RRAGB: variants seen among roughly 807,000 people sequenced by gnomAD.
RRAGB encodes the protein Ras related GTP binding B.
Under a neutral mutation model 29.3 loss-of-function variants are expected in RRAGB, and 6 were observed. The ratio of observed to expected loss-of-function variants is 0.21; its 90% CI spans 0.11 to 0.40. The LOEUF is 0.40. RRAGB is among the 10% of genes least tolerant of loss of function. The probability of loss-of-function intolerance (pLI) is 1.00; values close to 1 mark genes in which losing one functional copy is unlikely to be tolerated. For missense variants in RRAGB, 184 were observed against 272.9 expected, an observed-to-expected ratio of 0.67 and a Z score of 2.29; for synonymous variants, 101 against 92.5, an observed-to-expected ratio of 1.09 and a Z score of -0.53.
chrX:55,744,249 C>T (rs2034171755), intron 5 of RRAGB, among the ~76,000 whole-genome samples: 4 of 107,847 alleles, frequency 3.7e-5, no homozygotes, highest in East Asian at 5.9e-4. Context: ...ATTAGTCAGG[C>T]GTGGTGGTGT....
At chrX:55,742,986 G>C (rs765873368) in intron 5 of RRAGB, among the ~76,000 whole-genome samples, 1 of 111,397 alleles carries the variant, frequency 9.0e-6, no homozygotes, top group Non-Finnish European at 1.9e-5. Flanking sequence ...AAGGCAAGAG[G>C]GTTGCCTAGC....
At chrX:55,736,744 GTATGAGCTC>G (rs2147095266) in intron 5 of RRAGB, among the ~76,000 whole-genome samples, 1 of 112,184 alleles carries the variant, frequency 8.9e-6, no homozygotes, top group South Asian at 3.8e-4. Flanking sequence ...CAAAGACTGT[GTATGAGCTC>G]TTTGGTTGTA....
rs1235859439 is a variant in RRAGB, at chrX:55,755,766, T to C, written c.736-75T>C. 4.4e-6 allele frequency: 5 copies of C among 1,137,670 alleles called. No homozygotes were observed. In the South Asian group the frequency reaches 6.2e-5, roughly 14 times the overall value. The allele number at this position is 1,137,670 out of a possible 1,213,427, so 93.8% of individuals were successfully genotyped here. A position where few individuals can be genotyped will look rare whatever the true frequency, so the allele number is the denominator to read the frequency against. On this transcript the variant is annotated intron_variant, in intron 7 of 9. Coordinates refer to ENST00000374941, the MANE Select transcript of RRAGB (RefSeq NM_006064.5). ...AACCAGTGACCAAGGGACTGACAAA[T>C]GTCTGCTTTGAGGAGTAGCAGAGGA...
rs957586971 is a variant in RRAGB at position 55,741,918 on chromosome X, A to G, written c.517-9183A>G. Among the ~76,000 whole-genome samples the G allele has an allele frequency of 3.6e-5, 4 of 112,009 alleles. No homozygotes were observed. The East Asian group carries it at 8.4e-4, about 23-fold the overall frequency. On this transcript the variant is annotated intron_variant, in intron 5 of 9. Transcript: ENST00000374941. ...CATACCCCTTGTCAACTTGGCACTC[A>G]TACACATCTACTGAAACCATACCTA...
At chrX:55,751,742 T>C (rs1234147124) in intron 6 of RRAGB, 2 of 112,175 alleles carry the variant, frequency 1.8e-5, no homozygotes, top group African/African-American at 6.5e-5. Context: ...ATTGCTGGAA[T>C]GGATACCACA....
chrX:55,728,089 G>A (rs911138496), intron 3 of RRAGB, among the ~76,000 whole-genome samples: 1 of 111,279 alleles, frequency 9.0e-6, no homozygotes, highest in Non-Finnish European at 1.9e-5. Context: ...GTAACTCAGA[G>A]GTCGCAAACA....
chrX:55,719,209 G>A (rs1210114084), intron 1 of RRAGB, 105 bp from the exon 2 acceptor site: 1 of 684,980 alleles, frequency 1.5e-6, no homozygotes, highest in African/African-American at 2.2e-5. Context: ...CTCAGCCGTT[G>A]TACTAAACAT....
chrX:55,733,916 C>T (rs2147090284), intron 5 of RRAGB, among the ~76,000 whole-genome samples: 1 of 99,583 alleles, frequency 1.0e-5, no homozygotes, highest in African/African-American at 3.4e-5. Context: ...GGCTATGAAT[C>T]TATCTGGTCC....
intron 5 of RRAGB, among the ~76,000 whole-genome samples, chrX:55,748,995 A>G (rs1303756917): frequency 1.1e-4 from 8 of 76,056 alleles, no homozygotes; most frequent in African/African-American, 2.1e-4. Flanking sequence ...CGGCCGCCCC[A>G]TCCGGGAGGG....
At chrX:55,749,246 C>T (rs1412807537) in intron 5 of RRAGB, among the ~76,000 whole-genome samples, 19 of 87,096 alleles carry the variant, frequency 2.2e-4, no homozygotes, top group African/African-American at 5.2e-4. Flanking sequence ...GGCGCCTCTG[C>T]CCGGCCGCCC....
At position 55,718,023 on chromosome X, in the gene RRAGB, G is replaced by T. The variant is rs1032916354; in HGVS notation, c.-305G>T. 9.9e-6 allele frequency: 2 copies of T among 201,869 alleles called. No individual in the cohort carries two copies. Among genetic ancestry groups the T allele is most frequent in the African/African-American group, 5.8e-5 (2 of 34,676 alleles). 16.6% of individuals were successfully genotyped at this position (201,869 alleles called of 1,213,427 possible). ...TTGGGGGCCTGAGGCCCAAACTCGG[G>T]ACGAACCCCTAACCCACCTCTCTTT... On this transcript the variant is annotated 5_prime_UTR_variant, in exon 1 of 10. Transcript: ENST00000374941.
intron 4 of RRAGB, among the ~76,000 whole-genome samples, chrX:55,730,219 A>G (rs1222404561): frequency 8.9e-6 from 1 of 112,344 alleles, no homozygotes; most frequent in Non-Finnish European, 1.9e-5. Context: ...ATATTTGTTG[A>G]AAGAATAATG....
intron 5 of RRAGB, among the ~76,000 whole-genome samples, chrX:55,739,959 A>C (rs1375502895): frequency 8.9e-6 from 1 of 112,723 alleles, no homozygotes; most frequent in African/African-American, 3.2e-5. Flanking sequence ...AAATGTACTT[A>C]GAAGTTTTAA....
At chrX:55,742,489 A>G (rs1230154621) in intron 5 of RRAGB, among the ~76,000 whole-genome samples, 2 of 112,248 alleles carry the variant, frequency 1.8e-5, no homozygotes, top group Non-Finnish European at 3.8e-5. Flanking sequence ...CCTTATATCT[A>G]TTTTGGAGGA....
At chrX:55,733,809 C>T (rs1404091928) in intron 5 of RRAGB, among the ~76,000 whole-genome samples, 1 of 111,213 alleles carries the variant, frequency 9.0e-6, no homozygotes, top group Non-Finnish European at 1.9e-5. Flanking sequence ...ATGACACTGG[C>T]TTTGTAGAAT....
At chrX:55,749,667 A>G (rs1237585356) in intron 5 of RRAGB, among the ~76,000 whole-genome samples, 2 of 110,463 alleles carry the variant, frequency 1.8e-5, no homozygotes, top group Non-Finnish European at 3.8e-5. Context: ...GACATGGGAG[A>G]CTTTTCATTT....
At chrX:55,719,428 C>T in intron 2 of RRAGB, 81 bp downstream of exon 2, 1 of 705,503 alleles carries the variant, frequency 1.4e-6, no homozygotes, top group South Asian at 3.4e-5. Flanking sequence ...ATATATACAC[C>T]ATCTTTTCTG....
intron 5 of RRAGB, among the ~76,000 whole-genome samples, chrX:55,733,043 G>A (rs192564889): frequency 9.0e-4 from 100 of 110,639 alleles, no homozygotes; most frequent in African/African-American, 2.8e-3. Context: ...CTATGGTCAC[G>A]TCTGGGCTTT....
chrX:55,732,951 T>A, intron 5 of RRAGB, among the ~76,000 whole-genome samples: 1 of 111,374 alleles, frequency 9.0e-6, no homozygotes, highest in East Asian at 2.8e-4. Context: ...TTTGTGGGGT[T>A]TTTTTTTAGT....
Sources: gnomAD v4.1 joint callset for allele counts (sites outside exome capture counted in the v4.1 genomes callset) on GRCh38, gnomAD v4.1.1 for gene constraint, MANE v1.5 for transcripts, NCBI Gene and HGNC (gene_info 2026-07-23, HGNC 2026-07-21) for gene names.